DNAH7: variants seen among roughly 807,000 people sequenced by gnomAD.
DNAH7 encodes the protein dynein axonemal heavy chain 7.
DNAH7 carries 397 observed loss-of-function variants against 444.6 expected under a neutral mutation model. That is an observed-to-expected ratio of 0.89 (90% CI 0.82 to 0.97). The LOEUF is 0.97. DNAH7 is among the 50% of genes least tolerant of loss of function. The pLI is 0.00. For synonymous variants in DNAH7, 1,636 were observed against 1,624.4 expected, an observed-to-expected ratio of 1.01 and a Z score of -0.17; for missense variants, 4,902 against 4,800.8, an observed-to-expected ratio of 1.02 and a Z score of -0.62.
intron 5 of DNAH7, among the ~76,000 whole-genome samples, chr2:196,029,441 T>C (rs1346094045): frequency 6.6e-6 from 1 of 152,104 alleles, no homozygotes; most frequent in Non-Finnish European, 1.5e-5. Context: ...GTTCTTCCAG[T>C]CAGAGTGAAG....
At chr2:195,783,128 A>C (rs1403583387) in intron 58 of DNAH7, among the ~76,000 whole-genome samples, 1 of 152,210 alleles carries the variant, frequency 6.6e-6, no homozygotes, top group East Asian at 1.9e-4. Flanking sequence ...CAGAAAACTC[A>C]CATCAACCAA....
At chr2:195,994,015 T>A (rs531807405) in intron 12 of DNAH7, among the ~76,000 whole-genome samples, 1 of 152,336 alleles carries the variant, frequency 6.6e-6, no homozygotes, top group African/African-American at 2.4e-5. Flanking sequence ...CAGGAGATCA[T>A]GGAGCCTGGA....
intron 63 of DNAH7, among the ~76,000 whole-genome samples, chr2:195,743,374 T>C (rs190115452): frequency 3.9e-5 from 6 of 152,352 alleles, no homozygotes; most frequent in Admixed American, 2.6e-4. Flanking sequence ...ATATATCCTA[T>C]TAGTTCTGTC....
chr2:195,991,924 T>G (rs139832408), intron 12 of DNAH7, among the ~76,000 whole-genome samples: 40 of 152,350 alleles, frequency 2.6e-4, no homozygotes, highest in African/African-American at 9.4e-4. Context: ...GTACATCAGT[T>G]AAGCCCAGCA....
intron 45 of DNAH7, among the ~76,000 whole-genome samples, chr2:195,854,271 TTAAA>T (rs1398522462): frequency 6.6e-6 from 1 of 152,156 alleles, no homozygotes; most frequent in Non-Finnish European, 1.5e-5. Context: ...GAAGATGAGA[TTAAA>T]TAAAGCTTAT....
At position 195,740,780 on chromosome 2, in the gene DNAH7, C is replaced by T; in HGVS notation, c.11854G>A (p.Asp3952Asn). 1 of 1,540,634 alleles carries T rather than the reference C, an allele frequency of 6.5e-7. No homozygotes were observed. Among genetic ancestry groups the T allele is most frequent in the Admixed American group, 1.9e-5 (1 of 53,830 alleles). Residue 3952 changes from aspartate (D) to asparagine (N), a missense_variant, in exon 64 of 65, where the codon GAT (aspartate) becomes AAT (asparagine). Transcript: ENST00000312428. The stretch of plus-strand genomic sequence containing the variant: ...AATTTACTAACCACAGGCACTGTAT[C>T]ATAAAGAATTTTGGGATGCGATTCT... Reference protein sequence around the residue: ...LAESHPKILYDTVPVMWLKPC... With the variant: ...LAESHPKILYNTVPVMWLKPC...
chr2:195,788,184 G>C (rs1046692601), intron 57 of DNAH7, among the ~76,000 whole-genome samples: 2 of 152,192 alleles, frequency 1.3e-5, no homozygotes, highest in African/African-American at 4.8e-5. Flanking sequence ...GTAGGCAATA[G>C]CAGCCGCCAT....
chr2:195,756,069 A>G (rs376520229), intron 62 of DNAH7, 64 bp downstream of exon 62: 11 of 1,513,118 alleles, frequency 7.3e-6, no homozygotes, highest in Non-Finnish European at 9.8e-6. Context: ...TACATTAAGC[A>G]TTCTGACGAA....
intron 19 of DNAH7, among the ~76,000 whole-genome samples, chr2:195,954,201 T>C (rs1226923111): frequency 6.6e-6 from 1 of 151,994 alleles, no homozygotes; most frequent in Non-Finnish European, 1.5e-5. Flanking sequence ...CGACAGGCCC[T>C]GGTATGTGAT....
At chr2:195,900,183 A>T in intron 28 of DNAH7, 99 bp downstream of exon 28, 1 of 1,328,142 alleles carries the variant, frequency 7.5e-7, no homozygotes, top group Non-Finnish European at 1.1e-6. Context: ...TTTTCAATCA[A>T]TTAAGGAAAC....
chr2:195,926,541 T>G lies in DNAH7; in HGVS notation c.3497A>C (p.Tyr1166Ser). 6.2e-7 allele frequency: 1 copy of G among 1,600,220 alleles called. No homozygotes were observed. ...CCAGTTAATTCGTTCATATTTTGTATAGGCAAAAGTTGCATCTCCAGTTAC... is the reference window on the plus strand; with the variant it reads ...CCAGTTAATTCGTTCATATTTTGTAGAGGCAAAAGTTGCATCTCCAGTTAC... ...HKVTGDATFA[Y>S]TKYERINWVR... The change falls in exon 22 of 65, where the codon TAT (tyrosine) becomes TCT (serine). Residue 1166 changes from tyrosine to serine, a missense_variant. Coordinates refer to ENST00000312428, the MANE Select transcript of DNAH7 (RefSeq NM_018897.3).
In DNAH7 at chr2:196,047,438, A is replaced by G. The variant is rs748191188; in HGVS notation, c.312T>C (p.Tyr104=). The G allele has an allele frequency of 1.0e-5, 16 of 1,605,108 alleles. No homozygotes were observed. The highest frequency in any genetic ancestry group is 1.3e-5 in the African/African-American group (1 of 74,658). ...TTGATTTGGAAGTAGATGGTCCAAC[A>G]TAACTATCATCAACTTGGTGGGGTA... is the stretch of plus-strand genomic sequence containing the variant. ...GKLPHQVDDS[Y]VGPSTSKSKG... is the part of the protein sequence containing the mutation. Residue 104 remains tyrosine, a synonymous_variant, in exon 5 of 65, where the codon TAT becomes TAC. Coordinates refer to ENST00000312428, the MANE Select transcript of DNAH7 (RefSeq NM_018897.3).
intron 63 of DNAH7, 83 bp from the exon 64 acceptor site, chr2:195,740,952 G>A (rs1692993404): frequency 4.2e-6 from 3 of 715,056 alleles, no homozygotes; most frequent in Middle Eastern, 3.3e-4. Context: ...CTACATGTAA[G>A]TACTATGCAG....
Position 195,844,992 on chromosome 2 carries a change from T to C in DNAH7, c.8945+10A>G. 7.5e-6 allele frequency: 12 copies of C among 1,608,548 alleles called. No individual in the cohort carries two copies. The highest frequency in any genetic ancestry group is 1.0e-5 in the Non-Finnish European group (12 of 1,177,414). ...ATAAAGACCATTTGTGAGAAAAATA[T>C]TTTTCTTACATTATGATTATCCCAT... On this transcript the variant is annotated intron_variant, in intron 47 of 64. Coordinates refer to ENST00000312428, the MANE Select transcript of DNAH7 (RefSeq NM_018897.3).
chr2:195,777,895 T>C lies in DNAH7; in HGVS notation c.10969A>G (p.Ser3657Gly), dbSNP rs765109138. The change falls in exon 59 of 65, where the codon AGC (serine) becomes GGC (glycine). Residue 3657 changes from serine to glycine, a missense_variant. Physicochemically the swap from Ser to Gly is moderately conservative, Grantham distance 56. Coordinates refer to ENST00000312428, the MANE Select transcript of DNAH7 (RefSeq NM_018897.3). ...GGATTGAAGAATTTGTTTAGAATGC[T>C]GCGCAGCGTGCGCCGGTCCCAGTCA... is the stretch of plus-strand genomic sequence containing the variant. ...TDDWDRRTLRSILNKFFNPEL... is the reference protein window; with the variant it reads ...TDDWDRRTLRGILNKFFNPEL... 21 of 1,614,108 alleles carry C rather than the reference T, an allele frequency of 1.3e-5. No homozygotes were observed. Among genetic ancestry groups the C allele is most frequent in the Non-Finnish European group, 1.8e-5 (21 of 1,180,020 alleles).
chr2:195,884,028 G>T (rs1289394820), intron 35 of DNAH7, among the ~76,000 whole-genome samples: 1 of 152,182 alleles, frequency 6.6e-6, no homozygotes, highest in Non-Finnish European at 1.5e-5. Context: ...TGCCCATTGG[G>T]AATGTGGTAT....
intron 61 of DNAH7, among the ~76,000 whole-genome samples, chr2:195,766,167 A>AT (rs755912873): frequency 0.11 from 6,040 of 57,242 alleles, 1,299 homozygotes; most frequent in African/African-American, 0.15. Flanking sequence ...GTGGGAGCTA[A>AT]TTTTTTTTTT....
At chr2:195,763,947 AACT>A (rs1314449324) in intron 61 of DNAH7, among the ~76,000 whole-genome samples, 1 of 151,962 alleles carries the variant, frequency 6.6e-6, no homozygotes, top group Non-Finnish European at 1.5e-5. Flanking sequence ...AGAGAAAAAA[AACT>A]ACAAGCCAAT....
At chr2:195,860,512 G>C (rs771954673) in intron 42 of DNAH7, among the ~76,000 whole-genome samples, 4 of 151,930 alleles carry the variant, frequency 2.6e-5, no homozygotes, top group African/African-American at 4.8e-5. Flanking sequence ...ATTCCTAAAG[G>C]TATGATTCAA....
Sources: gnomAD v4.1 joint callset for allele counts (sites outside exome capture counted in the v4.1 genomes callset) on GRCh38, gnomAD v4.1.1 for gene constraint, MANE v1.5 for transcripts, NCBI Gene and HGNC (gene_info 2026-07-23, HGNC 2026-07-21) for gene names.